Variants in LEKR1 observed in about 807,000 individuals in gnomAD.
LEKR1 encodes the protein protein LEKR1.
A neutral mutation model predicts 72.4 loss-of-function variants in LEKR1; 59 were observed. The ratio of observed to expected loss-of-function variants is 0.82; its 90% confidence interval spans 0.66 to 1.01. LEKR1 has a LOEUF of 1.01. LEKR1 is among the 50% of genes least tolerant of loss of function. LEKR1 has a pLI of 0.00. For missense variants in LEKR1, 728 were observed against 759.2 expected (o/e 0.96, Z 0.48); for synonymous variants, 257 against 263.2 (o/e 0.98, Z 0.23).
chr3:156,894,602 A>G (rs1303563852), intron 3 of LEKR1, among the ~76,000 whole-genome samples: 1 of 152,220 alleles, frequency 6.6e-6, no homozygotes, highest in Non-Finnish European at 1.5e-5. Context: ...CTAAGCAAGA[A>G]GAGTAAAGCC....
intron 2 of LEKR1, among the ~76,000 whole-genome samples, chr3:156,837,666 A>T (rs570648828): frequency 6.6e-6 from 1 of 152,356 alleles, no homozygotes; most frequent in South Asian, 2.1e-4. Context: ...GTGAATATTC[A>T]TAGCACAAAG....
At chr3:157,006,334 A>G (rs1732437748) in intron 9 of LEKR1, among the ~76,000 whole-genome samples, 1 of 152,210 alleles carries the variant, frequency 6.6e-6, no homozygotes, top group African/African-American at 2.4e-5. Context: ...ACATGTAAAA[A>G]CTTAAAACCT....
chr3:157,014,276 A>G (rs1733133504), intron 10 of LEKR1, among the ~76,000 whole-genome samples: 8 of 152,254 alleles, frequency 5.3e-5, no homozygotes, highest in African/African-American at 1.9e-4. Flanking sequence ...AGAACGTTTT[A>G]GAATTTCACT....
At chr3:156,826,854 C>A (rs1442210406) in intron 1 of LEKR1, 1 of 155,524 alleles carries the variant, frequency 6.4e-6, no homozygotes, top group African/African-American at 2.4e-5. Flanking sequence ...GGGAATGGTT[C>A]TTTACGTAAG....
chr3:156,871,361 G>A (rs1717927832), intron 3 of LEKR1, among the ~76,000 whole-genome samples: 1 of 152,082 alleles, frequency 6.6e-6, no homozygotes, highest in Non-Finnish European at 1.5e-5. Context: ...TATCATTGTT[G>A]GACATTTGGC....
intron 5 of LEKR1, among the ~76,000 whole-genome samples, chr3:156,937,748 C>T (rs561166472): frequency 6.6e-6 from 1 of 152,180 alleles, no homozygotes; most frequent in Non-Finnish European, 1.5e-5. Flanking sequence ...TCATAATAGC[C>T]CCAAATTGGA....
At chr3:156,834,957 G>A (rs1439698651) in intron 2 of LEKR1, among the ~76,000 whole-genome samples, 1 of 152,030 alleles carries the variant, frequency 6.6e-6, no homozygotes, top group Non-Finnish European at 1.5e-5. Context: ...TTATTTTAGG[G>A]CTCATTCTTC....
In LEKR1 at chr3:156,993,395, T is replaced by C. The variant is rs546784131; in HGVS notation, c.1109+118T>C. The C allele has an allele frequency of 1.3e-4, 77 of 610,060 alleles. No homozygotes were observed. In the African/African-American group the frequency reaches 1.4e-3, roughly 11 times the overall value. The allele number at this position is 610,060 out of a possible 1,614,324, so 37.8% of individuals were successfully genotyped here. ...AATAGTGAAATCACAGGACTAAAGATATATTTCTCCTACAAGGTCATTGCA... is the reference window on the plus strand; with the variant it reads ...AATAGTGAAATCACAGGACTAAAGACATATTTCTCCTACAAGGTCATTGCA... On this transcript the variant is annotated intron_variant, in intron 9 of 12. Coordinates refer to ENST00000356539, the MANE Select transcript of LEKR1 (RefSeq NM_001004316.3).
intron 12 of LEKR1, among the ~76,000 whole-genome samples, chr3:157,034,447 A>G (rs1323332474): frequency 1.3e-5 from 2 of 152,212 alleles, no homozygotes; most frequent in East Asian, 3.8e-4. Context: ...ACTTCAGTGG[A>G]GGAAGTGGCA....
chr3:156,994,503 C>A (rs556806348), intron 9 of LEKR1, among the ~76,000 whole-genome samples: 4 of 152,062 alleles, frequency 2.6e-5, no homozygotes, highest in Non-Finnish European at 4.4e-5. Context: ...CCTTCAACAC[C>A]GAAAATGTAC....
chr3:156,956,073 T>G (rs1285197173), intron 6 of LEKR1, among the ~76,000 whole-genome samples: 2 of 151,904 alleles, frequency 1.3e-5, no homozygotes, highest in Non-Finnish European at 2.9e-5. Context: ...AAGTAATTTA[T>G]TGAAAGGATA....
intron 3 of LEKR1, among the ~76,000 whole-genome samples, chr3:156,869,626 A>G (rs1298856242): frequency 2.0e-5 from 3 of 151,610 alleles, no homozygotes; most frequent in East Asian, 1.9e-4. Context: ...AGACAAATGG[A>G]TTGCAGGTAT....
chr3:156,961,152 A>G (rs1052570641), intron 6 of LEKR1, among the ~76,000 whole-genome samples: 1 of 152,204 alleles, frequency 6.6e-6, no homozygotes, highest in Non-Finnish European at 1.5e-5. Context: ...AAGTGAAAAA[A>G]CTTTTGACTT....
At chr3:156,989,884 A>G (rs1188238784) in intron 7 of LEKR1, among the ~76,000 whole-genome samples, 4 of 152,068 alleles carry the variant, frequency 2.6e-5, no homozygotes, top group Non-Finnish European at 4.4e-5. Context: ...TTTTGAGGAT[A>G]AGTTACATGC....
intron 3 of LEKR1, among the ~76,000 whole-genome samples, chr3:156,888,959 A>G (rs1720380559): frequency 6.6e-6 from 1 of 152,238 alleles, no homozygotes; most frequent in Non-Finnish European, 1.5e-5. Context: ...CTTATTTTCT[A>G]GTAAATGCTA....
intron 3 of LEKR1, among the ~76,000 whole-genome samples, chr3:156,895,383 G>A (rs533777547): frequency 1.6e-4 from 25 of 152,302 alleles, no homozygotes; most frequent in Admixed American, 7.8e-4. Flanking sequence ...GGAGGCCAAG[G>A]TGGGTGGATC....
At chr3:157,042,392 T>C (rs1735417004) in intron 12 of LEKR1, among the ~76,000 whole-genome samples, 1 of 152,222 alleles carries the variant, frequency 6.6e-6, no homozygotes, top group South Asian at 2.1e-4. Flanking sequence ...CTTTGTAATA[T>C]GTCTAGTCAG....
chr3:156,960,931 A>T (rs1728077641), intron 6 of LEKR1, among the ~76,000 whole-genome samples: 1 of 152,234 alleles, frequency 6.6e-6, no homozygotes, highest in Non-Finnish European at 1.5e-5. Context: ...TGCACAATTT[A>T]TCTCAATTGA....
At chr3:156,854,738 G>C (rs970837170) in intron 3 of LEKR1, among the ~76,000 whole-genome samples, 1 of 150,624 alleles carries the variant, frequency 6.6e-6, no homozygotes, top group Non-Finnish European at 1.5e-5. Context: ...TTTTTTTCTA[G>C]AGATGCTGTT....
Sources: gnomAD v4.1 joint callset for allele counts (sites outside exome capture counted in the v4.1 genomes callset) on GRCh38, gnomAD v4.1.1 for gene constraint, MANE v1.5 for transcripts, NCBI Gene and HGNC (gene_info 2026-07-23, HGNC 2026-07-21) for gene names.